HACD1: variants seen among roughly 807,000 people sequenced by gnomAD.
The protein encoded by HACD1 is very-long-chain (3R)-3-hydroxyacyl-CoA dehydratase 1.
A neutral mutation model predicts 32.0 loss-of-function variants in HACD1; 41 were observed. The observed-to-expected ratio is 1.28, with a 90% confidence interval of 1.00 to 1.66. The LOEUF (loss-of-function observed/expected upper bound fraction) is 1.66. Among genes scored for constraint, HACD1 ranks in the 40% most tolerant of loss-of-function variants. HACD1 has a pLI of 0.00. For missense variants in HACD1, 396 were observed against 380.1 expected (o/e 1.04, Z -0.35); for synonymous variants, 142 against 139.0 (o/e 1.02, Z -0.15).
Position 17,590,442 on chromosome 10 carries a change from A to G in HACD1, c.789T>C (p.Phe263=). The G allele has an allele frequency of 6.3e-7, 1 of 1,582,350 alleles. No individual in the cohort carries two copies. The highest frequency in any genetic ancestry group is 8.6e-7 in the Non-Finnish European group (1 of 1,160,204). Residue 263 remains phenylalanine (F), a synonymous_variant, in exon 7 of 7, where the codon TTT becomes TTC. Transcript: ENST00000361271. The stretch of plus-strand genomic sequence containing the variant: ...GTAACATATGAAAATAGAGTTGTGG[A>G]AACACTTCATTGAAAAAGAAAACAA... ...LITMASYIPL[F]PQLYFHMLRQ...
rs190485034 is a variant in HACD1, at chr10:17,608,637, C to T, written c.258-4590G>A. 6.8e-3 allele frequency among the ~76,000 whole-genome samples: 1,031 copies of T among 152,038 alleles called. 4 individuals are homozygous for T. Among genetic ancestry groups the T allele is most frequent in the Non-Finnish European group, 0.011 (744 of 67,998 alleles). On this transcript the variant is annotated intron_variant, in intron 1 of 6. Transcript: ENST00000361271. Reference sequence around the variant, plus strand: ...AAGTGGCTGGGATTACAGGTACCTGCCACCATACCCAGCTAATTTTTGTAT... The same window carrying T: ...AAGTGGCTGGGATTACAGGTACCTGTCACCATACCCAGCTAATTTTTGTAT...
At chr10:17,615,824 G>C (rs1554817964) in intron 1 of HACD1, 1 of 430,068 alleles carries the variant, frequency 2.3e-6, no homozygotes, top group African/African-American at 2.0e-5. Context: ...AAAATTAATG[G>C]GGCGTGGTGG....
At chr10:17,614,439 T>C (rs1554817801) in intron 1 of HACD1, among the ~76,000 whole-genome samples, 1 of 152,100 alleles carries the variant, frequency 6.6e-6, no homozygotes, top group African/African-American at 2.4e-5. Flanking sequence ...GTATTTTTAA[T>C]AGAGACGGGG....
chr10:17,604,531 T>G (rs927478761), intron 1 of HACD1, among the ~76,000 whole-genome samples: 4 of 150,910 alleles, frequency 2.7e-5, no homozygotes, highest in Non-Finnish European at 3.0e-5. Flanking sequence ...AATAGAATAT[T>G]AGCCTTAAAA....
At position 17,603,728 on chromosome 10, in the gene HACD1, A is replaced by G. The variant is rs1554816760; in HGVS notation, c.392T>C (p.Ile131Thr). The G allele has an allele frequency of 1.9e-6, 3 of 1,600,570 alleles. No homozygotes were observed. Among genetic ancestry groups the G allele is most frequent in the Admixed American group, 3.3e-5 (2 of 59,840 alleles). ...FALLEIVHCLIGIVPTSVIVT... is the reference protein window; with the variant it reads ...FALLEIVHCLTGIVPTSVIVT... The stretch of plus-strand genomic sequence containing the variant: ...ATAAAATTGAAGCAAAAACTCACCA[A>G]TTAAACAGTGAACTATCTGTAAGCA... Residue 131 changes from isoleucine (I) to threonine (T), a missense_variant and splice_region_variant, in exon 3 of 7, where the codon ATT (isoleucine) becomes ACT (threonine). Physicochemically the swap from Ile to Thr is moderately conservative, Grantham distance 89 (BLOSUM62 -1). Coordinates refer to ENST00000361271, the MANE Select transcript of HACD1 (RefSeq NM_014241.4).
rs1832993637 is a variant in HACD1, at chr10:17,612,130, A to AC, written c.257+4952dup. Among the ~76,000 whole-genome samples the AC allele has an allele frequency of 2.2e-5, 3 of 134,448 alleles. No homozygotes were observed. In the South Asian group the frequency reaches 7.0e-4, roughly 32 times the overall value. The allele number at this position is 134,448 out of a possible 152,430, so 88.2% of individuals were successfully genotyped here. A position where few individuals can be genotyped will look rare whatever the true frequency, so the allele number is the denominator to read the frequency against. The stretch of plus-strand genomic sequence containing the variant: ...CAAAAAAAAAAAAAAAAAAAAAAAA[A>AC]CCCTAAAAAATCCTTACATCCTTTA... On this transcript the variant is annotated intron_variant, in intron 1 of 6. Coordinates refer to ENST00000361271, the MANE Select transcript of HACD1 (RefSeq NM_014241.4).
intron 1 of HACD1, among the ~76,000 whole-genome samples, chr10:17,609,982 CAAAAA>C (rs1189308859): frequency 3.1e-5 from 2 of 64,780 alleles, no homozygotes. Flanking sequence ...GACTCCATCT[CAAAAA>C]AAAAAAAAAA....
intron 6 of HACD1, among the ~76,000 whole-genome samples, 170 bp from the exon 7 acceptor site, chr10:17,590,616 C>T (rs1833916791): frequency 6.6e-6 from 1 of 152,152 alleles, no homozygotes; most frequent in Non-Finnish European, 1.5e-5. Flanking sequence ...AGCCCACATA[C>T]CACATGCCTA....
At chr10:17,609,512 A>G (rs1210780532) in intron 1 of HACD1, among the ~76,000 whole-genome samples, 1 of 152,162 alleles carries the variant, frequency 6.6e-6, no homozygotes, top group Non-Finnish European at 1.5e-5. Context: ...CAAGTGAAGC[A>G]CATGAAAAGA....
intron 6 of HACD1, among the ~76,000 whole-genome samples, chr10:17,591,934 A>G (rs1458251318): frequency 6.9e-6 from 1 of 145,662 alleles, no homozygotes; most frequent in Non-Finnish European, 1.5e-5. Flanking sequence ...AACAGAAGGT[A>G]TGGGCTTGAG....
chr10:17,591,801 C>G (rs1554815596), intron 6 of HACD1, among the ~76,000 whole-genome samples: 5 of 152,104 alleles, frequency 3.3e-5, no homozygotes. Flanking sequence ...TTAGGTTCTT[C>G]CTAACTTAAG....
chr10:17,617,319 C>T lies in HACD1; in HGVS notation c.21G>A (p.Ala7=). Residue 7 remains alanine (A), a synonymous_variant, in exon 1 of 7, where the codon GCG becomes GCA. Transcript: ENST00000361271. MGRLTE[A]AAAGSGSRAA... is the part of the protein sequence containing the mutation. Reference sequence around the variant, plus strand: ...CCCGAGAGCCGCTGCCCGCTGCCGCCGCTTCCGTCAGGCGCCCCATGTGCA... The same window carrying T: ...CCCGAGAGCCGCTGCCCGCTGCCGCTGCTTCCGTCAGGCGCCCCATGTGCA... 1.4e-6 allele frequency: 2 copies of T among 1,437,394 alleles called. No homozygotes were observed. Among genetic ancestry groups the T allele is most frequent in the Non-Finnish European group, 9.1e-7 (1 of 1,101,414 alleles). The allele number at this position is 1,437,394 out of a possible 1,614,324, so 89.0% of individuals were successfully genotyped here. A position where few individuals can be genotyped will look rare whatever the true frequency, so the allele number is the denominator to read the frequency against.
intron 1 of HACD1, among the ~76,000 whole-genome samples, chr10:17,616,873 C>T (rs1470416630): frequency 6.6e-6 from 1 of 152,106 alleles, no homozygotes; most frequent in Non-Finnish European, 1.5e-5. Context: ...CCCCGCCGTG[C>T]ACCGTATTAG....
chr10:17,594,849 T>G (rs567037885), intron 5 of HACD1, among the ~76,000 whole-genome samples: 105 of 146,974 alleles, frequency 7.1e-4, no homozygotes, highest in Middle Eastern at 3.5e-3. Context: ...TTTTTGGTGT[T>G]TTTTTTTTTT....
chr10:17,599,147 T>A lies in HACD1; in HGVS notation c.605+143A>T, dbSNP rs541440044. ...TTTAGAATACAAATCATAACTTGTA[T>A]AATTATTAGTTATACCAGTTATACC... On this transcript the variant is annotated intron_variant, in intron 5 of 6. Transcript: ENST00000361271. 359 of 1,316,868 alleles carry A rather than the reference T, an allele frequency of 2.7e-4. 1 individual carries two copies. The South Asian group carries it at 6.6e-3, about 24-fold the overall frequency. 81.6% of individuals were successfully genotyped at this position (1,316,868 alleles called of 1,614,324 possible).
In HACD1 at chr10:17,617,191, C is replaced by A; in HGVS notation, c.149G>T (p.Gly50Val). The A allele has an allele frequency of 2.7e-6, 4 of 1,502,488 alleles. No individual in the cohort carries two copies. The highest frequency in any genetic ancestry group is 2.7e-6 in the Non-Finnish European group (3 of 1,130,832). 93.1% of individuals were successfully genotyped at this position (1,502,488 alleles called of 1,614,324 possible). The change falls in exon 1 of 7, where the codon GGC (glycine) becomes GTC (valine). Residue 50 changes from glycine to valine, a missense_variant. By Grantham distance (109) the Gly-to-Val change is moderately radical. Coordinates refer to ENST00000361271, the MANE Select transcript of HACD1 (RefSeq NM_014241.4). ...GTCCTCGCCGGCCTCCGAGGCGCCG[C>A]CGTTGGTGCCGTCCTCGTCGCTGGA... Reference protein sequence around the residue: ...MASSDEDGTNGGASEAGEDRE... With the variant: ...MASSDEDGTNVGASEAGEDRE...
At chr10:17,600,505 T>C (rs1206716237) in intron 4 of HACD1, among the ~76,000 whole-genome samples, 2 of 152,056 alleles carry the variant, frequency 1.3e-5, no homozygotes, top group Non-Finnish European at 1.5e-5. Context: ...TTTGTATTTT[T>C]AGTAGAGACG....
intron 6 of HACD1, among the ~76,000 whole-genome samples, chr10:17,592,756 G>T (rs1833945046): frequency 6.6e-6 from 1 of 152,194 alleles, no homozygotes; most frequent in Non-Finnish European, 1.5e-5. Context: ...AAAAGAGAGG[G>T]ATGTGAACCA....
In HACD1 at chr10:17,589,163, A is replaced by G. The variant is rs898918864; in HGVS notation, c.*1201T>C. 33 of 152,212 alleles carry G rather than the reference A, an allele frequency of 2.2e-4. No individual in the cohort carries two copies. Among genetic ancestry groups the G allele is most frequent in the African/African-American group, 7.7e-4 (32 of 41,446 alleles). 9.4% of individuals were successfully genotyped at this position (152,212 alleles called of 1,614,324 possible). A position where few individuals can be genotyped will look rare whatever the true frequency, so the allele number is the denominator to read the frequency against. On this transcript the variant is annotated 3_prime_UTR_variant, in exon 7 of 7. Coordinates refer to ENST00000361271, the MANE Select transcript of HACD1 (RefSeq NM_014241.4). The stretch of plus-strand genomic sequence containing the variant: ...CAAAATGTTTAGTTACCTAAGTACC[A>G]CAAAGGGATTATCATAACAATTGTT...
Sources: gnomAD v4.1 joint callset for allele counts (sites outside exome capture counted in the v4.1 genomes callset) on GRCh38, gnomAD v4.1.1 for gene constraint, MANE v1.5 for transcripts, NCBI Gene and HGNC (gene_info 2026-07-23, HGNC 2026-07-21) for gene names.